Variants in CTNND2 observed in about 807,000 individuals in gnomAD.
The protein encoded by CTNND2 is catenin delta-2.
Under a neutral mutation model 144.4 loss-of-function variants are expected in CTNND2, and 22 were observed. The ratio of observed to expected loss-of-function variants is 0.15; its 90% CI spans 0.11 to 0.22. CTNND2 has a LOEUF of 0.22. Among genes scored for constraint, CTNND2 ranks in the 10% least tolerant of loss-of-function variants. The pLI is 1.00. For missense variants in CTNND2, 1,353 were observed against 1,618.8 expected (o/e 0.84, Z 2.82); for synonymous variants, 751 against 695.6 (o/e 1.08, Z -1.25).
chr5:11,759,530 A>G (rs1581837002), intron 1 of CTNND2, among the ~76,000 whole-genome samples: 1 of 150,532 alleles, frequency 6.6e-6, no homozygotes, highest in African/African-American at 2.4e-5. Context: ...AGTTTTTTCT[A>G]TATTTATTTT....
intron 1 of CTNND2, among the ~76,000 whole-genome samples, chr5:11,870,382 A>G (rs1211905475): frequency 6.6e-6 from 1 of 152,236 alleles, no homozygotes; most frequent in Non-Finnish European, 1.5e-5. Context: ...GAGAGCTGTC[A>G]GCTACATGAA....
At chr5:11,749,531 G>C (rs548687092) in intron 1 of CTNND2, among the ~76,000 whole-genome samples, 1 of 151,960 alleles carries the variant, frequency 6.6e-6, no homozygotes, top group Admixed American at 6.6e-5. Context: ...CTCCTCAGGA[G>C]CCATCTCCAA....
At chr5:10,983,581 A>C (rs889776287) in intron 20 of CTNND2, among the ~76,000 whole-genome samples, 2 of 152,124 alleles carry the variant, frequency 1.3e-5, no homozygotes, top group African/African-American at 2.4e-5. Context: ...CATTTTAAAG[A>C]CCATTCTGTT....
chr5:11,087,524 T>A (rs956099926), intron 15 of CTNND2, among the ~76,000 whole-genome samples: 1 of 152,198 alleles, frequency 6.6e-6, no homozygotes, highest in Non-Finnish European at 1.5e-5. Flanking sequence ...CTTCAAATGA[T>A]GGGGTTACTC....
chr5:11,588,976 G>A (rs1179416821), intron 2 of CTNND2: 12 of 985,320 alleles, frequency 1.2e-5, no homozygotes, highest in African/African-American at 1.7e-5. Flanking sequence ...AAGTCAGGAC[G>A]CTGAATTATC....
chr5:11,300,947 G>A (rs1327014419), intron 9 of CTNND2, among the ~76,000 whole-genome samples: 1 of 152,114 alleles, frequency 6.6e-6, no homozygotes. Flanking sequence ...AGATACTGAT[G>A]GGGAAGAAAA....
intron 1 of CTNND2, among the ~76,000 whole-genome samples, chr5:11,743,249 A>G (rs1233669743): frequency 1.3e-5 from 2 of 152,182 alleles, no homozygotes; most frequent in Non-Finnish European, 2.9e-5. Context: ...ATAATTGCTT[A>G]TGAGAGCATG....
At chr5:11,060,529 G>A (rs1241195841) in intron 16 of CTNND2, among the ~76,000 whole-genome samples, 12 of 152,276 alleles carry the variant, frequency 7.9e-5, no homozygotes, top group African/African-American at 4.8e-5. Flanking sequence ...GTCTAGACTC[G>A]TGGATGGAAA....
At chr5:11,872,814 A>G (rs994312765) in intron 1 of CTNND2, among the ~76,000 whole-genome samples, 2 of 152,206 alleles carry the variant, frequency 1.3e-5, no homozygotes, top group African/African-American at 4.8e-5. Context: ...CAGAAAACTG[A>G]AACTGGACCC....
chr5:11,290,262 A>G (rs1748190247), intron 9 of CTNND2, among the ~76,000 whole-genome samples: 1 of 152,196 alleles, frequency 6.6e-6, no homozygotes, highest in South Asian at 2.1e-4. Flanking sequence ...TCTCTCTTGA[A>G]CTAGGTTATA....
intron 1 of CTNND2, among the ~76,000 whole-genome samples, chr5:11,856,061 C>T (rs927641931): frequency 3.3e-5 from 5 of 152,186 alleles, no homozygotes; most frequent in African/African-American, 1.2e-4. Context: ...AAATCTTCAA[C>T]TCACAAATAT....
intron 1 of CTNND2, among the ~76,000 whole-genome samples, chr5:11,841,591 A>G (rs1794475545): frequency 6.6e-6 from 1 of 152,198 alleles, no homozygotes; most frequent in Non-Finnish European, 1.5e-5. Flanking sequence ...CCACAATAAC[A>G]GCTAGTGGTG....
At chr5:11,639,609 G>A (rs746997853) in intron 2 of CTNND2, among the ~76,000 whole-genome samples, 12 of 151,996 alleles carry the variant, frequency 7.9e-5, no homozygotes, top group Admixed American at 2.6e-4. Flanking sequence ...TAGTAAATAC[G>A]GAAAATTCTG....
intron 2 of CTNND2, among the ~76,000 whole-genome samples, chr5:11,605,828 T>A (rs1780015082): frequency 6.6e-6 from 1 of 152,146 alleles, no homozygotes. Context: ...GGAAGAATTC[T>A]AAAGATGTCC....
At position 11,899,004 on chromosome 5, in the gene CTNND2, G is replaced by A. The variant is rs1442427316; in HGVS notation, c.37+4813C>T. On this transcript the variant is annotated intron_variant, in intron 1 of 21. Transcript: ENST00000304623. ...GACATCTTCCAACCTGGAAGAGCTG[G>A]GCACTTTTTTGTCTTCACTGAAGCT... is the stretch of plus-strand genomic sequence containing the variant. Among the ~76,000 whole-genome samples the A allele has an allele frequency of 2.6e-5, 4 of 152,182 alleles. No homozygotes were observed. The South Asian group carries it at 6.2e-4, about 24-fold the overall frequency.
intron 14 of CTNND2, among the ~76,000 whole-genome samples, chr5:11,101,763 T>A (rs989525339): frequency 1.2e-4 from 18 of 152,104 alleles, no homozygotes; most frequent in Non-Finnish European, 2.4e-4. Flanking sequence ...TAAAATGTCA[T>A]CAAGTCAGGA....
chr5:11,066,326 C>G (rs1460071251), intron 16 of CTNND2, among the ~76,000 whole-genome samples: 2 of 152,258 alleles, frequency 1.3e-5, no homozygotes, highest in Non-Finnish European at 2.9e-5. Context: ...GCATGCGCCA[C>G]CGCGCCCAGC....
chr5:11,511,195 A>T (rs1771609034), intron 3 of CTNND2, among the ~76,000 whole-genome samples: 1 of 152,242 alleles, frequency 6.6e-6, no homozygotes, highest in Non-Finnish European at 1.5e-5. Flanking sequence ...GCTTTCTCAG[A>T]AAGTGTTAAA....
At chr5:11,465,992 T>C (rs906573321) in intron 3 of CTNND2, among the ~76,000 whole-genome samples, 3 of 152,130 alleles carry the variant, frequency 2.0e-5, no homozygotes, top group African/African-American at 7.2e-5. Context: ...GAAATTTTTA[T>C]TTTCTAACTT....
Sources: gnomAD v4.1 joint callset for allele counts (sites outside exome capture counted in the v4.1 genomes callset) on GRCh38, gnomAD v4.1.1 for gene constraint, MANE v1.5 for transcripts, NCBI Gene and HGNC (gene_info 2026-07-23, HGNC 2026-07-21) for gene names.